The following DLG2 variants were observed in gnomAD, a reference collection of about 807,000 sequenced individuals.
The protein encoded by DLG2 is discs large MAGUK scaffold protein 2, also known as disks large homolog 2.
In DLG2, 45 loss-of-function variants were observed where a neutral mutation model predicts 132.5. That is an observed-to-expected ratio of 0.34 (90% CI 0.27 to 0.44). DLG2 has a LOEUF of 0.44. Ranked by LOEUF, DLG2 falls within the 20% of genes least tolerant of loss-of-function variation. DLG2 has a pLI of 1.00. For missense variants in DLG2, 1,045 were observed against 1,196.9 expected, an observed-to-expected ratio of 0.87 and a Z score of 1.87; for synonymous variants, 424 against 419.6, an observed-to-expected ratio of 1.01 and a Z score of -0.13.
chr11:83,503,837 G>A (rs1003421406), intron 21 of DLG2, among the ~76,000 whole-genome samples: 1 of 152,004 alleles, frequency 6.6e-6, no homozygotes, highest in South Asian at 2.1e-4. Context: ...TTGACACTCA[G>A]TATTAACCAT....
At chr11:84,169,638 T>G (rs1337891162) in intron 8 of DLG2, among the ~76,000 whole-genome samples, 2 of 152,128 alleles carry the variant, frequency 1.3e-5, no homozygotes, top group African/African-American at 2.4e-5. Context: ...TTTGGGAGGC[T>G]GAGGCAGGTG....
intron 4 of DLG2, among the ~76,000 whole-genome samples, chr11:85,215,663 A>T (rs544184078): frequency 6.6e-5 from 10 of 152,254 alleles, no homozygotes; most frequent in African/African-American, 2.4e-4. Context: ...TAGTTTCCTC[A>T]TATATTTACA....
chr11:83,541,730 A>C lies in DLG2; in HGVS notation c.2069T>G (p.Met690Arg). 6.2e-7 allele frequency: 1 copy of C among 1,613,054 alleles called. No homozygotes were observed. Among genetic ancestry groups the C allele is most frequent in the Non-Finnish European group, 8.5e-7 (1 of 1,179,416 alleles). The change falls in exon 20 of 28, where the codon ATG becomes AGG. Residue 690 changes from methionine (M) to arginine (R), a missense_variant. This residue lies in a region of DLG2 where 398 missense variants were observed against 543.6 expected (regional missense o/e 0.73). Coordinates refer to ENST00000376104, the MANE Select transcript of DLG2 (RefSeq NM_001142699.3). ...DDEWWQARRV[M>R]LEGDSEEMGV... ...CATCTCCTCACTGTCTCCCTCCAGC[A>C]TGACTCTCCTGGCTTGCCACCACTC...
At chr11:84,578,612 A>G (rs979567661) in intron 6 of DLG2, among the ~76,000 whole-genome samples, 5 of 152,208 alleles carry the variant, frequency 3.3e-5, no homozygotes, top group African/African-American at 4.8e-5. Context: ...CAATACCTGC[A>G]CTGCCATTGT....
chr11:83,921,253 T>C lies in DLG2; in HGVS notation c.1496+9075A>G, dbSNP rs918248151. 2.0e-5 allele frequency among the ~76,000 whole-genome samples: 3 copies of C among 152,168 alleles called. No homozygotes were observed. The South Asian group carries it at 6.2e-4, about 31-fold the overall frequency. ...TCATAGTTGCCATCATCATCATCTG[T>C]ATTGTCATTGTTACTATTAGTACTA... On this transcript the variant is annotated intron_variant, in intron 15 of 27. Coordinates refer to ENST00000376104, the MANE Select transcript of DLG2 (RefSeq NM_001142699.3).
intron 4 of DLG2, among the ~76,000 whole-genome samples, chr11:85,221,487 T>C (rs979601345): frequency 6.6e-6 from 1 of 152,258 alleles, no homozygotes; most frequent in Non-Finnish European, 1.5e-5. Context: ...TTGTGACCTC[T>C]ACATGTCTGC....
intron 6 of DLG2, among the ~76,000 whole-genome samples, chr11:84,972,526 T>C (rs954887224): frequency 6.6e-6 from 1 of 152,200 alleles, no homozygotes; most frequent in African/African-American, 2.4e-5. Flanking sequence ...AAAGGACTCC[T>C]TGGGTGATTC....
chr11:84,968,949 TTC>T (rs1458483489), intron 6 of DLG2, among the ~76,000 whole-genome samples: 1 of 152,112 alleles, frequency 6.6e-6, no homozygotes, highest in Non-Finnish European at 1.5e-5. Flanking sequence ...GGAAAAATAG[TTC>T]TCTGCTGGAG....
chr11:85,151,405 T>C (rs897387021), intron 5 of DLG2, among the ~76,000 whole-genome samples: 2 of 152,096 alleles, frequency 1.3e-5, no homozygotes, highest in East Asian at 1.9e-4. Flanking sequence ...TGCTTTCAGT[T>C]TCCTGTGCTT....
At chr11:84,308,501 G>A (rs930235701) in intron 7 of DLG2, among the ~76,000 whole-genome samples, 9 of 152,306 alleles carry the variant, frequency 5.9e-5, no homozygotes, top group Non-Finnish European at 8.8e-5. Context: ...AGTGGATCCC[G>A]CACGGGGGCC....
chr11:85,124,667 A>C (rs892506616), intron 5 of DLG2, among the ~76,000 whole-genome samples: 1 of 152,222 alleles, frequency 6.6e-6, no homozygotes, highest in African/African-American at 2.4e-5. Context: ...ACATGCAACA[A>C]GACAGGTCCC....
At chr11:84,197,652 A>T (rs2096539809) in intron 8 of DLG2, among the ~76,000 whole-genome samples, 1 of 152,238 alleles carries the variant, frequency 6.6e-6, no homozygotes, top group African/African-American at 2.4e-5. Context: ...AATTTTAATA[A>T]AATGTTTCAT....
Position 84,115,831 on chromosome 11 carries a change from A to G in DLG2, c.625-16784T>C, listed in dbSNP as rs551833476. On this transcript the variant is annotated intron_variant, in intron 9 of 27. Coordinates refer to ENST00000376104, the MANE Select transcript of DLG2 (RefSeq NM_001142699.3). ...CATCTACCCTTATTTTGTTAACTGC[A>G]TATATATTGTATGAGTACCTCACTA... 1.3e-4 allele frequency among the ~76,000 whole-genome samples: 20 copies of G among 152,214 alleles called. 1 individual carries two copies. In the South Asian group the frequency reaches 4.1e-3, roughly 32 times the overall value.
chr11:83,908,740 AT>A (rs11424853), intron 15 of DLG2, among the ~76,000 whole-genome samples: 41 of 147,504 alleles, frequency 2.8e-4, no homozygotes, highest in East Asian at 6.0e-4. Context: ...AATATGCAGC[AT>A]TTTTTTTTTT....
intron 19 of DLG2, among the ~76,000 whole-genome samples, chr11:83,590,876 A>G (rs2153306408): frequency 1.3e-5 from 2 of 151,820 alleles, no homozygotes; most frequent in East Asian, 3.9e-4. Flanking sequence ...TATGCAAATA[A>G]ACTAGAAAAT....
chr11:84,177,529 G>C (rs944689312), intron 8 of DLG2, among the ~76,000 whole-genome samples: 2 of 152,128 alleles, frequency 1.3e-5, no homozygotes, highest in African/African-American at 4.8e-5. Flanking sequence ...CTTTAGAAAA[G>C]TTAAATAGCC....
chr11:85,480,084 T>A (rs910034224), intron 3 of DLG2, among the ~76,000 whole-genome samples: 1 of 152,100 alleles, frequency 6.6e-6, no homozygotes, highest in Non-Finnish European at 1.5e-5. Flanking sequence ...ACTTAAAAAA[T>A]TGGCAAATAA....
chr11:84,950,614 A>G (rs138140100), intron 6 of DLG2, among the ~76,000 whole-genome samples: 4 of 152,162 alleles, frequency 2.6e-5, no homozygotes, highest in Non-Finnish European at 4.4e-5. Flanking sequence ...GGTATTGATT[A>G]TATAGGGTGA....
At chr11:84,243,678 T>A (rs1367168591) in intron 8 of DLG2, among the ~76,000 whole-genome samples, 1 of 152,202 alleles carries the variant, frequency 6.6e-6, no homozygotes, top group East Asian at 1.9e-4. Flanking sequence ...CTGCTGTTAG[T>A]CCATGGGTCA....
Sources: gnomAD v4.1 joint callset for allele counts (sites outside exome capture counted in the v4.1 genomes callset) on GRCh38, gnomAD v4.1.1 for gene constraint, gnomAD v4.1.1 regional missense constraint, MANE v1.5 for transcripts, NCBI Gene and HGNC (gene_info 2026-07-23, HGNC 2026-07-21) for gene names.